CFTR: variants seen among roughly 807,000 people sequenced by gnomAD.
CFTR encodes the protein cystic fibrosis transmembrane conductance regulator.
Under a neutral mutation model 171.6 loss-of-function variants are expected in CFTR, and 181 were observed. The observed-to-expected ratio is 1.05, with a 90% confidence interval of 0.93 to 1.19. The LOEUF (loss-of-function observed/expected upper bound fraction) is 1.19, where lower values mean the gene tolerates loss of function less well. CFTR is among the 50% of genes most tolerant of loss of function. The pLI, the probability that CFTR is intolerant of heterozygous loss-of-function variation, is 0.00. For missense variants in CFTR, 1,968 were observed against 1,734.7 expected (o/e 1.13, Z -2.39); for synonymous variants, 583 against 608.0 (o/e 0.96, Z 0.60).
At chr7:117,652,102 AT>A in intron 23 of CFTR, among the ~76,000 whole-genome samples, 1 of 152,314 alleles carries the variant, frequency 6.6e-6, no homozygotes, top group South Asian at 2.1e-4. Flanking sequence ...CTTTTAAGAC[AT>A]TTTTAAATAA....
At chr7:117,515,468 G>A (rs1462560874) in intron 3 of CFTR, among the ~76,000 whole-genome samples, 1 of 152,094 alleles carries the variant, frequency 6.6e-6, no homozygotes, top group Admixed American at 6.6e-5. Context: ...TTGTAGATGT[G>A]TGGTGTTATT....
chr7:117,511,244 C>T (rs35667431), intron 3 of CFTR, among the ~76,000 whole-genome samples: 16 of 152,232 alleles, frequency 1.1e-4, no homozygotes, highest in East Asian at 3.9e-4. Context: ...ACGAGATCTT[C>T]TCACTTACTT....
chr7:117,521,452 T>C (rs1218444517), intron 3 of CFTR, among the ~76,000 whole-genome samples: 1 of 152,122 alleles, frequency 6.6e-6, no homozygotes, highest in Non-Finnish European at 1.5e-5. Context: ...TTTTTCAGGT[T>C]AATAATGTAT....
intron 13 of CFTR, 49 bp downstream of exon 13, chr7:117,590,488 A>T: frequency 2.5e-6 from 4 of 1,569,602 alleles, no homozygotes; most frequent in Non-Finnish European, 3.5e-6. Context: ...AAAATAAAAG[A>T]AAGACAGACT....
At chr7:117,617,798 T>G (rs1324611050) in intron 21 of CFTR, among the ~76,000 whole-genome samples, 2 of 152,110 alleles carry the variant, frequency 1.3e-5, no homozygotes, top group Non-Finnish European at 2.9e-5. Flanking sequence ...ACTACCCCAT[T>G]TCTTTGACCT....
chr7:117,482,140 G>T (rs1288520982), intron 1 of CFTR, among the ~76,000 whole-genome samples: 1 of 151,984 alleles, frequency 6.6e-6, no homozygotes, highest in Non-Finnish European at 1.5e-5. Context: ...GCAATGAGTG[G>T]GCCTGTATGA....
chr7:117,645,959 G>T (rs988677970), intron 23 of CFTR, among the ~76,000 whole-genome samples: 2 of 152,122 alleles, frequency 1.3e-5, no homozygotes, highest in Non-Finnish European at 2.9e-5. Context: ...CTTATAGAGT[G>T]CATAACACAA....
chr7:117,627,917 G>A, intron 22 of CFTR, 147 bp downstream of exon 22: 2 of 824,754 alleles, frequency 2.4e-6, no homozygotes, highest in East Asian at 2.7e-5. Flanking sequence ...ATTATATGGA[G>A]TCATTATTTT....
rs79718042 is a variant in CFTR at position 117,536,761 on chromosome 7, T to A, written c.869+88T>A. On this transcript the variant is annotated intron_variant, in intron 7 of 26. Transcript: ENST00000003084. The stretch of plus-strand genomic sequence containing the variant: ...TTTATCATGGTAGACTTCCACCTCA[T>A]ATTTGATGTTTGTGACAATCAAATG... 21,870 of 1,095,778 alleles carry A rather than the reference T, an allele frequency of 0.02. 276 individuals are homozygous for A. The highest frequency in any genetic ancestry group is 0.026 in the South Asian group (1,945 of 75,766). 67.9% of individuals were successfully genotyped at this position (1,095,778 alleles called of 1,614,324 possible). A position where few individuals can be genotyped will look rare whatever the true frequency, so the allele number is the denominator to read the frequency against.
At chr7:117,565,977 T>C (rs755849136) in intron 11 of CFTR, among the ~76,000 whole-genome samples, 1 of 152,122 alleles carries the variant, frequency 6.6e-6, no homozygotes, top group Non-Finnish European at 1.5e-5. Flanking sequence ...GCTTTCCAGG[T>C]CTGGTAAAAA....
At chr7:117,555,899 T>C (rs2115925471) in intron 10 of CFTR, among the ~76,000 whole-genome samples, 1 of 152,312 alleles carries the variant, frequency 6.6e-6, no homozygotes, top group Middle Eastern at 3.4e-3. Context: ...TAGTTAAGTT[T>C]TTGTGGAGTC....
chr7:117,620,558 A>G (rs1328767067), intron 21 of CFTR, among the ~76,000 whole-genome samples: 3 of 152,216 alleles, frequency 2.0e-5, no homozygotes, highest in Non-Finnish European at 2.9e-5. Flanking sequence ...CCAGTGTGTT[A>G]CTAGAACTAA....
intron 10 of CFTR, among the ~76,000 whole-genome samples, chr7:117,557,730 T>A (rs1265131308): frequency 6.6e-6 from 1 of 152,284 alleles, no homozygotes; most frequent in East Asian, 1.9e-4. Flanking sequence ...TTTCAACCTT[T>A]ATGCACTCTT....
rs140196396 is a variant in CFTR, at chr7:117,495,529, C to T, written c.54-8724C>T. 4.7e-4 allele frequency among the ~76,000 whole-genome samples: 71 copies of T among 152,232 alleles called. 1 individual carries two copies. The East Asian group carries it at 0.012, about 25-fold the overall frequency. The stretch of plus-strand genomic sequence containing the variant: ...TGGTACACATTCCTTGGTTTCTTTA[C>T]GATACTATTGCTCTTACAACTTTTA... On this transcript the variant is annotated intron_variant, in intron 1 of 26. Transcript: ENST00000003084.
intron 7 of CFTR, among the ~76,000 whole-genome samples, chr7:117,537,893 T>A (rs1183713090): frequency 6.6e-6 from 1 of 152,170 alleles, no homozygotes; most frequent in Non-Finnish European, 1.5e-5. Flanking sequence ...GCATTACTCC[T>A]CTGCCTGCAA....
rs1239612822 is a variant in CFTR, at chr7:117,575,193, C to A, written c.1585-12546C>A. Among the ~76,000 whole-genome samples, 3 of 152,016 alleles carry A rather than the reference C, an allele frequency of 2.0e-5. No individual in the cohort carries two copies. In the East Asian group the frequency reaches 5.8e-4, roughly 29 times the overall value. On this transcript the variant is annotated intron_variant, in intron 11 of 26. Transcript: ENST00000003084. ...CAATTTGCCCTTTGAAATAGCCATA[C>A]AATTTATAGTACCACCAGCCACTTA...
chr7:117,577,573 C>A (rs746751651), intron 11 of CFTR, among the ~76,000 whole-genome samples: 25 of 152,002 alleles, frequency 1.6e-4, no homozygotes, highest in African/African-American at 5.8e-4. Flanking sequence ...ACATAATAAC[C>A]ATTGTTATTA....
chr7:117,548,790 G>A lies in CFTR; in HGVS notation c.1359G>A (p.Leu453=), dbSNP rs1331100142. The A allele has an allele frequency of 6.3e-7, 1 of 1,586,392 alleles. No homozygotes were observed. The highest frequency in any genetic ancestry group is 8.6e-7 in the Non-Finnish European group (1 of 1,169,154). ...DINFKIERGQ[L]LAVAGSTGAG... ...ATTTCAAGATAGAAAGAGGACAGTTGTTGGCGGTTGCTGGATCCACTGGAG... is the reference window on the plus strand; with the variant it reads ...ATTTCAAGATAGAAAGAGGACAGTTATTGGCGGTTGCTGGATCCACTGGAG... Residue 453 remains leucine (L), a synonymous_variant, in exon 10 of 27, where the codon TTG becomes TTA. Transcript: ENST00000003084.
At chr7:117,505,183 T>C (rs1350106019) in intron 2 of CFTR, among the ~76,000 whole-genome samples, 2 of 152,160 alleles carry the variant, frequency 1.3e-5, no homozygotes, top group Admixed American at 6.6e-5. Context: ...AGAGAGATAA[T>C]ATACTTTGCC....
Sources: gnomAD v4.1 joint callset for allele counts (sites outside exome capture counted in the v4.1 genomes callset) on GRCh38, gnomAD v4.1.1 for gene constraint, MANE v1.5 for transcripts, NCBI Gene and HGNC (gene_info 2026-07-23, HGNC 2026-07-21) for gene names.